SNTG1: variants seen among roughly 807,000 people sequenced by gnomAD.
SNTG1 encodes syntrophin gamma 1.
A neutral mutation model predicts 74.7 loss-of-function variants in SNTG1; 39 were observed. That is an observed-to-expected ratio of 0.52 (90% CI 0.40 to 0.68). The LOEUF (loss-of-function observed/expected upper bound fraction) is 0.68, where lower values mean the gene tolerates loss of function less well. Among genes scored for constraint, SNTG1 ranks in the 30% least tolerant of loss-of-function variants. The pLI is 0.00. For missense variants in SNTG1, 685 were observed against 609.5 expected (o/e 1.12, Z -1.30); for synonymous variants, 254 against 217.1 (o/e 1.17, Z -1.49).
At chr8:50,470,315 T>A (rs1480388900) in intron 8 of SNTG1, among the ~76,000 whole-genome samples, 1 of 152,214 alleles carries the variant, frequency 6.6e-6, no homozygotes, top group East Asian at 1.9e-4. Flanking sequence ...AGACATTGTG[T>A]CCAGAATTGG....
intron 1 of SNTG1, among the ~76,000 whole-genome samples, chr8:50,035,289 G>A (rs908755205): frequency 1.3e-5 from 2 of 152,060 alleles, no homozygotes; most frequent in Admixed American, 6.6e-5. Flanking sequence ...ACTTATCTGC[G>A]AACAATCTTT....
At chr8:50,031,326 T>A (rs2071813979) in intron 1 of SNTG1, among the ~76,000 whole-genome samples, 2 of 152,084 alleles carry the variant, frequency 1.3e-5, no homozygotes, top group Admixed American at 1.3e-4. Flanking sequence ...TTGTATGTCT[T>A]TTATTTCCAT....
intron 17 of SNTG1, among the ~76,000 whole-genome samples, chr8:50,726,281 A>C (rs2095499839): frequency 6.6e-6 from 1 of 152,220 alleles, no homozygotes; most frequent in African/African-American, 2.4e-5. Context: ...TGTTTATTAC[A>C]CAAGGTGCTA....
intron 2 of SNTG1, among the ~76,000 whole-genome samples, chr8:50,295,099 G>T (rs1455367969): frequency 6.6e-6 from 1 of 152,148 alleles, no homozygotes; most frequent in Non-Finnish European, 1.5e-5. Flanking sequence ...AACAATTTAA[G>T]ACAATACCTA....
At chr8:50,598,377 T>G (rs904046591) in intron 13 of SNTG1, among the ~76,000 whole-genome samples, 3 of 151,936 alleles carry the variant, frequency 2.0e-5, no homozygotes, top group African/African-American at 7.2e-5. Context: ...TTCTTGACAC[T>G]TTTGTTGGCT....
intron 2 of SNTG1, among the ~76,000 whole-genome samples, chr8:50,384,485 A>G (rs2092542047): frequency 6.6e-6 from 1 of 151,964 alleles, no homozygotes; most frequent in African/African-American, 2.4e-5. Context: ...TGACCTTTCC[A>G]TGATGTAAGT....
intron 11 of SNTG1, among the ~76,000 whole-genome samples, chr8:50,540,521 A>G (rs138658674): frequency 6.9e-4 from 105 of 152,274 alleles, no homozygotes; most frequent in Non-Finnish European, 1.1e-3. Flanking sequence ...TGTGTTCGTT[A>G]GAGGCTCTGA....
intron 1 of SNTG1, among the ~76,000 whole-genome samples, chr8:50,068,354 T>G (rs1263535563): frequency 6.6e-6 from 1 of 152,178 alleles, no homozygotes; most frequent in Non-Finnish European, 1.5e-5. Context: ...TTGTACTTTC[T>G]TCTCTTCCTC....
At chr8:50,733,925 G>A (rs2095519214) in intron 17 of SNTG1, among the ~76,000 whole-genome samples, 2 of 151,526 alleles carry the variant, frequency 1.3e-5, no homozygotes, top group Non-Finnish European at 3.0e-5. Context: ...TTACTGTCAT[G>A]TCTAGGACTT....
At chr8:50,177,596 A>G (rs1403663819) in intron 2 of SNTG1, among the ~76,000 whole-genome samples, 1 of 152,172 alleles carries the variant, frequency 6.6e-6, no homozygotes, top group Non-Finnish European at 1.5e-5. Flanking sequence ...CACAGAGGCA[A>G]ATGTTAAGAG....
intron 1 of SNTG1, among the ~76,000 whole-genome samples, chr8:50,002,639 T>C (rs1024248248): frequency 6.6e-6 from 1 of 152,184 alleles, no homozygotes; most frequent in Admixed American, 6.5e-5. Flanking sequence ...CTTAAATTTA[T>C]TTAAGAGATT....
intron 2 of SNTG1, among the ~76,000 whole-genome samples, chr8:50,345,864 A>T (rs2091458419): frequency 2.0e-5 from 3 of 152,088 alleles, no homozygotes; most frequent in South Asian, 4.1e-4. Flanking sequence ...TTTTGACTGC[A>T]TTTATCTGAT....
intron 2 of SNTG1, among the ~76,000 whole-genome samples, chr8:50,282,459 A>G (rs958902748): frequency 6.6e-6 from 1 of 152,166 alleles, no homozygotes; most frequent in African/African-American, 2.4e-5. Flanking sequence ...CTTACCTGAA[A>G]GTTACTCAAC....
At chr8:50,739,943 C>T (rs926812859) in intron 17 of SNTG1, among the ~76,000 whole-genome samples, 1 of 151,866 alleles carries the variant, frequency 6.6e-6, no homozygotes, top group Non-Finnish European at 1.5e-5. Flanking sequence ...AATTGGACCC[C>T]TTTTTTTGCA....
At chr8:50,255,052 T>C (rs1428507099) in intron 2 of SNTG1, among the ~76,000 whole-genome samples, 1 of 151,594 alleles carries the variant, frequency 6.6e-6, no homozygotes, top group Non-Finnish European at 1.5e-5. Context: ...TGAAAGTATT[T>C]ATCACTGTGA....
At chr8:50,791,812 C>T (rs1313884406) in intron 18 of SNTG1, among the ~76,000 whole-genome samples, 1 of 151,788 alleles carries the variant, frequency 6.6e-6, no homozygotes, top group Non-Finnish European at 1.5e-5. Context: ...GTCTTTCAAT[C>T]ATCTTGAAAT....
intron 2 of SNTG1, among the ~76,000 whole-genome samples, chr8:50,177,196 A>T (rs560031663): frequency 1.3e-5 from 2 of 152,344 alleles, no homozygotes; most frequent in Admixed American, 1.3e-4. Context: ...GCAGAACAGA[A>T]TTACAGAAAC....
chr8:50,642,379 T>C (rs1422677998), intron 13 of SNTG1, among the ~76,000 whole-genome samples: 1 of 152,204 alleles, frequency 6.6e-6, no homozygotes, highest in Non-Finnish European at 1.5e-5. Context: ...CATTAAATTC[T>C]GTCTCTCCTC....
At chr8:50,737,569 A>T (rs977941066) in intron 17 of SNTG1, among the ~76,000 whole-genome samples, 4 of 152,170 alleles carry the variant, frequency 2.6e-5, no homozygotes, top group Non-Finnish European at 5.9e-5. Flanking sequence ...TGAGGCCAGC[A>T]TCATCCTGAT....
Sources: gnomAD v4.1 joint callset for allele counts (sites outside exome capture counted in the v4.1 genomes callset) on GRCh38, gnomAD v4.1.1 for gene constraint, MANE v1.5 for transcripts, NCBI Gene and HGNC (gene_info 2026-07-23, HGNC 2026-07-21) for gene names.